NIPBL: variants seen among roughly 807,000 people sequenced by gnomAD.
NIPBL encodes NIPBL cohesin loading factor.
Under a neutral mutation model 321.8 loss-of-function variants are expected in NIPBL, and 19 were observed. The observed-to-expected ratio is 0.06, with a 90% CI of 0.04 to 0.09. The LOEUF is 0.09. NIPBL is among the 10% of genes least tolerant of loss of function. The pLI, the probability that NIPBL is intolerant of heterozygous loss-of-function variation, is 1.00. For missense variants in NIPBL, 2,210 were observed against 3,327.0 expected (o/e 0.66, Z 8.26); for synonymous variants, 1,106 against 1,114.1 (o/e 0.99, Z 0.14).
rs762668290 is a variant in NIPBL, at chr5:37,007,992, C to T, written c.4240-16C>T. Reference sequence around the variant, plus strand: ...CAACTAAAGGTGTATACTACTTACTCTTCTTTTTTAAACAGGTTTCATCTA... The same window carrying T: ...CAACTAAAGGTGTATACTACTTACTTTTCTTTTTTAAACAGGTTTCATCTA... On this transcript the variant is annotated splice_polypyrimidine_tract_variant and intron_variant, in intron 18 of 46. Coordinates refer to ENST00000282516, the MANE Select transcript of NIPBL (RefSeq NM_133433.4). 1 of 1,499,816 alleles carries T rather than the reference C, an allele frequency of 6.7e-7. No homozygotes were observed. The highest frequency in any genetic ancestry group is 9.3e-7 in the Non-Finnish European group (1 of 1,076,224). 92.9% of individuals were successfully genotyped at this position (1,499,816 alleles called of 1,614,324 possible). A position where few individuals can be genotyped will look rare whatever the true frequency, so the allele number is the denominator to read the frequency against.
chr5:36,990,215 A>G (rs1303503310), intron 10 of NIPBL, among the ~76,000 whole-genome samples: 1 of 152,222 alleles, frequency 6.6e-6, no homozygotes, highest in Non-Finnish European at 1.5e-5. Context: ...TGCTCACTTG[A>G]TGAGCTAATG....
At chr5:37,064,393 C>T (rs1335974392) in intron 46 of NIPBL, 134 bp from the exon 47 acceptor site, 19 of 1,536,694 alleles carry the variant, frequency 1.2e-5, no homozygotes, top group Non-Finnish European at 1.7e-5. Context: ...CGGTGCGTCT[C>T]ATTGCCGGCA....
intron 1 of NIPBL, among the ~76,000 whole-genome samples, chr5:36,913,632 C>T (rs1748224884): frequency 6.6e-6 from 1 of 152,110 alleles, no homozygotes; most frequent in African/African-American, 2.4e-5. Flanking sequence ...CTCAGCCTCC[C>T]AAAGTGCTGG....
At chr5:36,953,341 C>A (rs1264187832) in intron 1 of NIPBL, among the ~76,000 whole-genome samples, 3 of 152,184 alleles carry the variant, frequency 2.0e-5, no homozygotes, top group Non-Finnish European at 4.4e-5. Flanking sequence ...CTAATTCTTG[C>A]TCCACTAGTT....
intron 2 of NIPBL, 101 bp downstream of exon 2, chr5:36,953,861 T>A: frequency 9.5e-7 from 1 of 1,052,440 alleles, no homozygotes; most frequent in Non-Finnish European, 1.5e-6. Flanking sequence ...TAAAACACAT[T>A]TACAGAAATA....
intron 10 of NIPBL, among the ~76,000 whole-genome samples, chr5:36,990,815 C>T (rs925171490): frequency 1.4e-4 from 21 of 152,094 alleles, no homozygotes; most frequent in African/African-American, 5.1e-4. Context: ...GGTATTCTCT[C>T]TCCTTTCCAT....
intron 11 of NIPBL, among the ~76,000 whole-genome samples, chr5:36,997,163 G>A (rs574283374): frequency 1.2e-4 from 19 of 152,010 alleles, no homozygotes; most frequent in African/African-American, 4.3e-4. Flanking sequence ...GAAACATGGG[G>A]CCCAGGAACT....
At chr5:36,962,094 TA>T (rs753137703) in intron 5 of NIPBL, 28 bp from the exon 6 acceptor site, 88 of 1,613,558 alleles carry the variant, frequency 5.5e-5, no homozygotes, top group Middle Eastern at 4.9e-4. Flanking sequence ...TATTTCCTTA[TA>T]TTTTTTTATT....
intron 1 of NIPBL, among the ~76,000 whole-genome samples, chr5:36,948,753 CTCAATAGTTCAGA>C (rs1739959012): frequency 6.6e-6 from 1 of 151,810 alleles, no homozygotes; most frequent in Non-Finnish European, 1.5e-5. Flanking sequence ...TTGCTTTCTG[CTCAATAGTTCAGA>C]TCAAGAAGAA....
At chr5:36,986,886 C>T (rs1329857089) in intron 10 of NIPBL, among the ~76,000 whole-genome samples, 1 of 151,852 alleles carries the variant, frequency 6.6e-6, no homozygotes, top group Non-Finnish European at 1.5e-5. Flanking sequence ...TTGTGGGAGG[C>T]GGGGGACTGG....
chr5:36,903,157 A>T (rs571913399), intron 1 of NIPBL, among the ~76,000 whole-genome samples: 1 of 152,178 alleles, frequency 6.6e-6, no homozygotes, highest in South Asian at 2.1e-4. Flanking sequence ...CAGATCTAGG[A>T]GTTCTTGAAT....
chr5:36,911,878 G>C (rs1748077995), intron 1 of NIPBL, among the ~76,000 whole-genome samples: 1 of 152,212 alleles, frequency 6.6e-6, no homozygotes, highest in African/African-American at 2.4e-5. Flanking sequence ...AAATCTAGAA[G>C]TGAGTAGAGA....
chr5:37,018,308 T>A (rs1749219974), intron 24 of NIPBL, among the ~76,000 whole-genome samples: 1 of 152,208 alleles, frequency 6.6e-6, no homozygotes, highest in Non-Finnish European at 1.5e-5. Context: ...AATACAATAT[T>A]AACATCTGAT....
chr5:36,958,007 A>G (rs894975157), intron 3 of NIPBL, 97 bp from the exon 4 acceptor site: 48 of 1,112,186 alleles, frequency 4.3e-5, no homozygotes, highest in Non-Finnish European at 1.2e-5. Flanking sequence ...AAAAATTCAT[A>G]TTGTTGGCCA....
At chr5:36,987,022 T>C (rs532278009) in intron 10 of NIPBL, among the ~76,000 whole-genome samples, 23 of 152,158 alleles carry the variant, frequency 1.5e-4, no homozygotes, top group Non-Finnish European at 3.2e-4. Flanking sequence ...CTGTATCCCT[T>C]TGTACACAAG....
chr5:36,950,386 T>A (rs1192323374), intron 1 of NIPBL, among the ~76,000 whole-genome samples: 2 of 152,096 alleles, frequency 1.3e-5, no homozygotes, highest in East Asian at 3.8e-4. Context: ...TGTGCATTAT[T>A]TTATTTTATT....
chr5:37,011,088 C>G (rs1485382661), intron 21 of NIPBL, among the ~76,000 whole-genome samples: 1 of 152,106 alleles, frequency 6.6e-6, no homozygotes, highest in Admixed American at 6.5e-5. Flanking sequence ...TAATAGGTAG[C>G]TCATGCCGAC....
intron 16 of NIPBL, 109 bp from the exon 17 acceptor site, chr5:37,006,248 C>T (rs1306500525): frequency 2.8e-6 from 2 of 709,098 alleles, no homozygotes; most frequent in Non-Finnish European, 5.0e-6. Context: ...AAAGAATTAA[C>T]ACACATCATA....
At chr5:36,932,481 C>A (rs1017874426) in intron 1 of NIPBL, among the ~76,000 whole-genome samples, 1 of 152,152 alleles carries the variant, frequency 6.6e-6, no homozygotes, top group Non-Finnish European at 1.5e-5. Context: ...TCTGTTTCAT[C>A]TGCTGTTAAT....
Sources: allele counts gnomAD v4.1 joint callset (sites outside exome capture counted in the v4.1 genomes callset), GRCh38; gene constraint gnomAD v4.1.1; transcripts MANE v1.5; gene names NCBI Gene and HGNC (gene_info 2026-07-23, HGNC 2026-07-21).